The following QRICH1 variants were observed in gnomAD, a reference collection of about 807,000 sequenced individuals.
QRICH1 encodes glutamine rich 1.
Under a neutral mutation model 87.1 loss-of-function variants are expected in QRICH1, and 16 were observed. That is an observed-to-expected ratio of 0.18 (90% CI 0.12 to 0.28). QRICH1 has a LOEUF of 0.28. Ranked by LOEUF, QRICH1 falls within the 10% of genes least tolerant of loss-of-function variation. QRICH1 has a pLI of 1.00. For synonymous variants in QRICH1, 367 were observed against 368.4 expected (o/e 1.00, Z 0.05); for missense variants, 647 against 951.7 (o/e 0.68, Z 4.21).
At chr3:49,060,687 T>C (rs1215901345) in intron 2 of QRICH1, among the ~76,000 whole-genome samples, 1 of 152,174 alleles carries the variant, frequency 6.6e-6, no homozygotes, top group Non-Finnish European at 1.5e-5. Flanking sequence ...CTAGTACTGG[T>C]CCGTAGGCGA....
intron 3 of QRICH1, among the ~76,000 whole-genome samples, chr3:49,050,630 G>A (rs552637154): frequency 7.0e-4 from 106 of 152,164 alleles, no homozygotes; most frequent in African/African-American, 2.5e-3. Flanking sequence ...CTGCAGCGTT[G>A]TGAAGAAAAT....
chr3:49,085,477 G>A (rs960076391), intron 1 of QRICH1, among the ~76,000 whole-genome samples: 4 of 152,050 alleles, frequency 2.6e-5, no homozygotes, highest in South Asian at 2.1e-4. Context: ...TAAACCTGCC[G>A]AACGAGGTGG....
intron 5 of QRICH1, among the ~76,000 whole-genome samples, 160 bp from the exon 6 acceptor site, chr3:49,044,664 G>T (rs769285341): frequency 3.3e-5 from 5 of 152,084 alleles, no homozygotes. Context: ...GTATGCCTAA[G>T]CTCATGTGAC....
At chr3:49,033,023 T>G (rs905725207) in intron 7 of QRICH1, 97 bp downstream of exon 7, 1 of 1,082,172 alleles carries the variant, frequency 9.2e-7, no homozygotes, top group African/African-American at 1.6e-5. Flanking sequence ...TAGCCCAGTT[T>G]CTCAAATATA....
intron 3 of QRICH1, among the ~76,000 whole-genome samples, chr3:49,050,709 C>T (rs979064089): frequency 6.6e-6 from 1 of 152,098 alleles, no homozygotes; most frequent in African/African-American, 2.4e-5. Flanking sequence ...ACAACAACAA[C>T]AACAACAACA....
intron 1 of QRICH1, among the ~76,000 whole-genome samples, chr3:49,082,150 C>A (rs892790218): frequency 6.6e-6 from 1 of 152,034 alleles, no homozygotes; most frequent in African/African-American, 2.4e-5. Flanking sequence ...CTATGTTGGC[C>A]AGCCTGGTCT....
Position 49,051,594 on chromosome 3 carries a change from C to G in QRICH1, c.1339-4348G>C, listed in dbSNP as rs561390337. ...TAGAACCCCCCCTGCGCCCCCCCCC[C>G]CCTCCGCTTAATATACCTAGTGGGT... On this transcript the variant is annotated intron_variant, in intron 3 of 9. Transcript: ENST00000395443. 1.7e-4 allele frequency among the ~76,000 whole-genome samples: 24 copies of G among 140,366 alleles called. 1 individual carries two copies. The highest frequency in any genetic ancestry group is 1.5e-3 in the East Asian group (7 of 4,522). The allele number at this position is 140,366 out of a possible 152,430, so 92.1% of individuals were successfully genotyped here. A position where few individuals can be genotyped will look rare whatever the true frequency, so the allele number is the denominator to read the frequency against.
chr3:49,038,905 T>TA (rs1375440959), intron 6 of QRICH1, among the ~76,000 whole-genome samples: 1 of 152,088 alleles, frequency 6.6e-6, no homozygotes, highest in African/African-American at 2.4e-5. Context: ...CATGCACCTG[T>TA]AGTCCCAGCT....
chr3:49,083,045 A>G (rs1425263478), intron 1 of QRICH1, among the ~76,000 whole-genome samples: 1 of 151,408 alleles, frequency 6.6e-6, no homozygotes, highest in Non-Finnish European at 1.5e-5. Flanking sequence ...CGTCTCTACT[A>G]AAAATACAAA....
chr3:49,091,210 G>A (rs1187651191), intron 1 of QRICH1, among the ~76,000 whole-genome samples: 4 of 152,136 alleles, frequency 2.6e-5, no homozygotes, highest in South Asian at 2.1e-4. Context: ...GCAACAGAGC[G>A]AGACTCCGTC....
At chr3:49,031,267 C>T (rs988687942) in intron 9 of QRICH1, among the ~76,000 whole-genome samples, 2 of 152,134 alleles carry the variant, frequency 1.3e-5, no homozygotes, top group African/African-American at 2.4e-5. Flanking sequence ...GGATTACAGG[C>T]GTGAGCCACG....
chr3:49,052,044 G>C (rs1285492246), intron 3 of QRICH1, among the ~76,000 whole-genome samples: 1 of 152,172 alleles, frequency 6.6e-6, no homozygotes, highest in Non-Finnish European at 1.5e-5. Flanking sequence ...GCTAGGAAGT[G>C]ACATAATCTT....
At chr3:49,068,386 G>C (rs1056731035) in intron 2 of QRICH1, among the ~76,000 whole-genome samples, 3 of 151,672 alleles carry the variant, frequency 2.0e-5, no homozygotes, top group Non-Finnish European at 4.4e-5. Flanking sequence ...AAGCATGGGA[G>C]GTTGAAGTTG....
At chr3:49,046,703 A>C in intron 4 of QRICH1, 124 bp from the exon 5 acceptor site, 1 of 1,077,268 alleles carries the variant, frequency 9.3e-7, no homozygotes, top group Non-Finnish European at 1.3e-6. Context: ...AGAATGTTTC[A>C]TGCCTGTAAT....
Position 49,060,342 on chromosome 3 carries a change from C to T in QRICH1, c.310-2452G>A, listed in dbSNP as rs998090566. The stretch of plus-strand genomic sequence containing the variant: ...CCAAGTAGCTGGGACCACAGGCACC[C>T]GCCACCACGACTGGCTAATTTTTTG... On this transcript the variant is annotated intron_variant, in intron 2 of 9. Coordinates refer to ENST00000395443, the MANE Select transcript of QRICH1 (RefSeq NM_198880.3). 3.4e-4 allele frequency among the ~76,000 whole-genome samples: 51 copies of T among 151,490 alleles called. No homozygotes were observed. In the Middle Eastern group the frequency reaches 0.01, roughly 31 times the overall value.
At chr3:49,048,316 G>A (rs1288075415) in intron 3 of QRICH1, among the ~76,000 whole-genome samples, 1 of 151,424 alleles carries the variant, frequency 6.6e-6, no homozygotes, top group East Asian at 2.0e-4. Context: ...ATTTTTAGTA[G>A]AGATGGGGTT....
At chr3:49,075,330 C>CAAAA (rs941226226) in intron 2 of QRICH1, among the ~76,000 whole-genome samples, 1 of 65,920 alleles carries the variant, frequency 1.5e-5, no homozygotes, top group Admixed American at 1.7e-4. Context: ...CCCTGTCCCT[C>CAAAA]AAAAAAAAAA....
intron 2 of QRICH1, among the ~76,000 whole-genome samples, chr3:49,075,792 A>C (rs1186881290): frequency 6.6e-6 from 1 of 152,124 alleles, no homozygotes; most frequent in East Asian, 1.9e-4. Flanking sequence ...ATACAACAAA[A>C]ATTGCTGAGG....
chr3:49,056,748 G>A lies in QRICH1; in HGVS notation c.1338+114C>T, dbSNP rs765663235. On this transcript the variant is annotated intron_variant, in intron 3 of 9. Transcript: ENST00000395443. ...CCTCTTCTCCCAAATACTAAATACT[G>A]CATCACTGTAAGAGTAACAGCAGTA... The A allele has an allele frequency of 1.6e-5, 24 of 1,500,642 alleles. 1 individual carries two copies. The South Asian group carries it at 2.5e-4, about 16-fold the overall frequency. The allele number at this position is 1,500,642 out of a possible 1,614,324, so 93.0% of individuals were successfully genotyped here.
Sources: allele counts gnomAD v4.1 joint callset (sites outside exome capture counted in the v4.1 genomes callset), GRCh38; gene constraint gnomAD v4.1.1; transcripts MANE v1.5; gene names NCBI Gene and HGNC (gene_info 2026-07-23, HGNC 2026-07-21).